TNRC6B: variants seen among roughly 807,000 people sequenced by gnomAD.
TNRC6B encodes trinucleotide repeat containing adaptor 6B.
A neutral mutation model predicts 203.6 loss-of-function variants in TNRC6B; 52 were observed. The ratio of observed to expected loss-of-function variants is 0.26; its 90% CI spans 0.20 to 0.32. TNRC6B has a LOEUF of 0.32. TNRC6B is among the 10% of genes least tolerant of loss of function. TNRC6B has a pLI of 1.00. For missense variants in TNRC6B, 1,923 were observed against 2,286.2 expected, an observed-to-expected ratio of 0.84 and a Z score of 3.24; for synonymous variants, 838 against 845.7, an observed-to-expected ratio of 0.99 and a Z score of 0.16.
chr22:40,265,395 A>T lies in TNRC6B; in HGVS notation c.1165A>T (p.Met389Leu), dbSNP rs371804419. Residue 389 changes from methionine (M) to leucine (L), a missense_variant, in exon 5 of 23, where the codon ATG (methionine) becomes TTG (leucine). Physicochemically the swap from Met to Leu is conservative, Grantham distance 15. Transcript: ENST00000454349. ...CTTGAACTTAAGTTCACCAAACCCCATGGAGAATAAGGGAATGCCCTTTGG... is the reference window on the plus strand; with the variant it reads ...CTTGAACTTAAGTTCACCAAACCCCTTGGAGAATAAGGGAATGCCCTTTGG... ...NSLNLSSPNPMENKGMPFGMG... is the reference protein window; with the variant it reads ...NSLNLSSPNPLENKGMPFGMG... The T allele has an allele frequency of 6.2e-7, 1 of 1,613,986 alleles. No individual in the cohort carries two copies. Among genetic ancestry groups the T allele is most frequent in the Non-Finnish European group, 8.5e-7 (1 of 1,179,882 alleles).
chr22:40,316,150 C>G (rs1247976691), intron 21 of TNRC6B, 138 bp downstream of exon 21: 2 of 657,266 alleles, frequency 3.0e-6, no homozygotes, highest in East Asian at 5.9e-5. Flanking sequence ...GTCAGGAGAT[C>G]AAGACCATCC....
chr22:40,176,376 C>T (rs2069059931), upstream of TNRC6B, among the ~76,000 whole-genome samples: 1 of 152,124 alleles, frequency 6.6e-6, no homozygotes, highest in Admixed American at 6.5e-5. Flanking sequence ...ATCTGCCTGC[C>T]TCGGCCTCCC....
chr22:40,201,458 C>T (rs1213537150), intron 1 of TNRC6B, among the ~76,000 whole-genome samples: 5 of 150,402 alleles, frequency 3.3e-5, no homozygotes, highest in African/African-American at 1.2e-4. Context: ...TTTTTTGAGA[C>T]AGGGTCTCAC....
intron 1 of TNRC6B, among the ~76,000 whole-genome samples, chr22:40,215,882 T>A (rs1314590192): frequency 6.6e-6 from 1 of 152,254 alleles, no homozygotes; most frequent in Non-Finnish European, 1.5e-5. Context: ...CAGCTTCTCC[T>A]TCATACATGC....
chr22:40,311,038 A>G (rs1222076666), intron 17 of TNRC6B, 45 bp downstream of exon 17: 3 of 1,561,534 alleles, frequency 1.9e-6, no homozygotes, highest in Non-Finnish European at 2.6e-6. Context: ...TTTGTTTTGT[A>G]ATTGTCAGTT....
At chr22:40,207,020 C>G (rs566546384) in intron 1 of TNRC6B, among the ~76,000 whole-genome samples, 60 of 152,194 alleles carry the variant, frequency 3.9e-4, no homozygotes, top group African/African-American at 8.7e-4. Flanking sequence ...GAATTGCTCC[C>G]CATCTCTTCC....
At chr22:40,217,228 A>G (rs1388339112) in intron 1 of TNRC6B, among the ~76,000 whole-genome samples, 1 of 152,192 alleles carries the variant, frequency 6.6e-6, no homozygotes, top group African/African-American at 2.4e-5. Context: ...AGTAGAGACT[A>G]CTTCTTAACA....
At chr22:40,150,313 G>A (rs1029132527) in intron 3 of TNRC6B, among the ~76,000 whole-genome samples, 3 of 152,210 alleles carry the variant, frequency 2.0e-5, no homozygotes, top group African/African-American at 7.2e-5. Context: ...GGAAGGCAGA[G>A]CTTGCAGTGG....
intron 4 of TNRC6B, among the ~76,000 whole-genome samples, chr22:40,163,517 C>T (rs2068890692): frequency 1.5e-5 from 2 of 132,142 alleles, no homozygotes; most frequent in Admixed American, 1.7e-4. Flanking sequence ...AATCCCAGCA[C>T]TTTGGGAGGC....
chr22:40,135,644 G>GGT (rs745751599), intron 3 of TNRC6B, among the ~76,000 whole-genome samples: 1 of 152,034 alleles, frequency 6.6e-6, no homozygotes. Flanking sequence ...TGAGACTACA[G>GGT]GTGTGCCACC....
chr22:40,177,077 T>C (rs753628280), upstream of TNRC6B, among the ~76,000 whole-genome samples: 24 of 152,212 alleles, frequency 1.6e-4, no homozygotes, highest in Admixed American at 4.6e-4. Flanking sequence ...CAAACCGAGC[T>C]TGGGTTTCTT....
intron 2 of TNRC6B, among the ~76,000 whole-genome samples, chr22:40,247,333 A>G (rs1157459231): frequency 6.6e-6 from 1 of 152,110 alleles, no homozygotes; most frequent in Non-Finnish European, 1.5e-5. Flanking sequence ...TTCAGAGGAA[A>G]CTCTAGATTT....
At chr22:40,183,027 G>T (rs966943955) in intron 1 of TNRC6B, among the ~76,000 whole-genome samples, 4 of 151,416 alleles carry the variant, frequency 2.6e-5, no homozygotes, top group African/African-American at 7.3e-5. Context: ...TGAAAGCAGA[G>T]ACCTTATCTG....
intron 11 of TNRC6B, among the ~76,000 whole-genome samples, chr22:40,281,808 T>C (rs1192080319): frequency 6.6e-6 from 1 of 152,270 alleles, no homozygotes; most frequent in Admixed American, 6.5e-5. Context: ...ACGGTGAAGC[T>C]TTGGGAAGAA....
In TNRC6B at chr22:40,177,937, GGAGA is replaced by G. The variant is rs530386816; in HGVS notation, c.-191_-188del. 3 of 1,382,850 alleles carry G rather than the reference GGAGA, an allele frequency of 2.2e-6. No individual in the cohort carries two copies. Among genetic ancestry groups the G allele is most frequent in the East Asian group, 2.7e-5 (1 of 36,808 alleles). The allele number at this position is 1,382,850 out of a possible 1,614,324, so 85.7% of individuals were successfully genotyped here. ...AGCTGCTTCCTTTAGAGACAGAGAG[GGAGA>G]GAGAGAGCAAGAGGGAGAGTGTGTG... is the stretch of plus-strand genomic sequence containing the variant. On this transcript the variant is annotated 5_prime_UTR_variant, in exon 1 of 23. Coordinates refer to ENST00000454349, the MANE Select transcript of TNRC6B (RefSeq NM_001162501.2).
chr22:40,101,182 T>C (rs999765166), intron 1 of TNRC6B, among the ~76,000 whole-genome samples: 1 of 152,062 alleles, frequency 6.6e-6, no homozygotes, highest in African/African-American at 2.4e-5. Flanking sequence ...TTAGTAGAGA[T>C]GGGGTTTCAT....
chr22:40,098,724 T>C lies in TNRC6B; in HGVS notation c.-120-18331T>C, dbSNP rs570198633. Among the ~76,000 whole-genome samples the C allele has an allele frequency of 4.6e-5, 7 of 152,004 alleles. No homozygotes were observed. The East Asian group carries it at 1.4e-3, about 29-fold the overall frequency. Reference sequence around the variant, plus strand: ...ATCTGCTACTGTCATATTTCTTTAATTTTTTTTAGTTTTTTTATTTTAAGA... The same window carrying C: ...ATCTGCTACTGTCATATTTCTTTAACTTTTTTTAGTTTTTTTATTTTAAGA... On this transcript the variant is annotated intron_variant, in intron 1 of 23. Transcript: ENST00000301923.
At chr22:40,168,877 A>G (rs1011720242) in intron 4 of TNRC6B, among the ~76,000 whole-genome samples, 3 of 152,114 alleles carry the variant, frequency 2.0e-5, no homozygotes, top group African/African-American at 7.2e-5. Context: ...ATCTTTTCTT[A>G]TTCTCCCAGC....
chr22:40,220,160 T>C (rs1205553854), intron 1 of TNRC6B, among the ~76,000 whole-genome samples: 1 of 152,202 alleles, frequency 6.6e-6, no homozygotes, highest in Non-Finnish European at 1.5e-5. Flanking sequence ...GCTTGGATGC[T>C]GTGGCTTCCC....
Sources: allele counts gnomAD v4.1 joint callset (sites outside exome capture counted in the v4.1 genomes callset), GRCh38; gene constraint gnomAD v4.1.1; transcripts MANE v1.5; gene names NCBI Gene and HGNC (gene_info 2026-07-23, HGNC 2026-07-21).